The following SIPA1L3 variants were observed in gnomAD, a reference collection of about 807,000 sequenced individuals.
SIPA1L3 encodes signal induced proliferation associated 1 like 3.
SIPA1L3 carries 59 observed loss-of-function variants against 150.1 expected under a neutral mutation model. The observed-to-expected ratio is 0.39, with a 90% CI of 0.32 to 0.49. SIPA1L3 has a LOEUF of 0.49. Among genes scored for constraint, SIPA1L3 ranks in the 20% least tolerant of loss-of-function variants. The pLI is 0.86. For missense variants in SIPA1L3, 2,211 were observed against 2,489.5 expected, an observed-to-expected ratio of 0.89 and a Z score of 2.38; for synonymous variants, 1,070 against 1,077.6, an observed-to-expected ratio of 0.99 and a Z score of 0.14.
At chr19:38,107,804 C>T (rs1970655298) in intron 7 of SIPA1L3, among the ~76,000 whole-genome samples, 1 of 152,020 alleles carries the variant, frequency 6.6e-6, no homozygotes, top group Non-Finnish European at 1.5e-5. Flanking sequence ...TGGTGAAACC[C>T]CATCTTTACT....
chr19:37,980,486 T>A (rs1386810959), intron 1 of SIPA1L3, among the ~76,000 whole-genome samples: 3 of 151,892 alleles, frequency 2.0e-5, no homozygotes, highest in African/African-American at 7.3e-5. Flanking sequence ...AAGAAAGGTG[T>A]ATCTTAGGGT....
At chr19:38,141,481 C>CCA (rs771817298) in intron 11 of SIPA1L3, 46 bp downstream of exon 11, 1 of 1,563,886 alleles carries the variant, frequency 6.4e-7, no homozygotes, top group African/African-American at 1.3e-5. Context: ...CCCCACCAGC[C>CCA]CACACCCATC....
chr19:38,119,350 C>A lies in SIPA1L3; in HGVS notation c.2336C>A (p.Pro779His). The change falls in exon 9 of 22, where the codon CCC (proline) becomes CAC (histidine). Residue 779 changes from proline to histidine, a missense_variant. By Grantham distance (77) the Pro-to-His change is moderately conservative. Coordinates refer to ENST00000222345, the MANE Select transcript of SIPA1L3 (RefSeq NM_015073.3). ...RSKDAPPFGP[P>H]IPSGTTFRKS... ...AAAGACGCTCCTCCTTTCGGCCCCCCCATCCCCAGTGGAACCACATTCCGC... is the reference window on the plus strand; with the variant it reads ...AAAGACGCTCCTCCTTTCGGCCCCCACATCCCCAGTGGAACCACATTCCGC... 1 of 1,614,214 alleles carries A rather than the reference C, an allele frequency of 6.2e-7. No individual in the cohort carries two copies. The highest frequency in any genetic ancestry group is 1.6e-4 in the Middle Eastern group (1 of 6,062).
rs3833274 is a variant in SIPA1L3 at position 38,182,494 on chromosome 19, T to TA, written c.4209-24dup. ...AATGTGGAATGGATTTGGTTTTTTT[T>TA]ATCTCTTTCATTTTTGCTTTGCAGT... is the stretch of plus-strand genomic sequence containing the variant. On this transcript the variant is annotated intron_variant, in intron 15 of 21. Transcript: ENST00000222345. The TA allele has an allele frequency of 0.011, 17,374 of 1,541,844 alleles. 774 individuals carry two copies. The highest frequency in any genetic ancestry group is 0.1 in the East Asian group (4,415 of 43,930).
At chr19:38,117,967 C>T (rs1008598520) in intron 8 of SIPA1L3, among the ~76,000 whole-genome samples, 1 of 152,118 alleles carries the variant, frequency 6.6e-6, no homozygotes, top group African/African-American at 2.4e-5. Context: ...TCTCTTTACG[C>T]TCTCCTGAGT....
intron 16 of SIPA1L3, 120 bp from the exon 17 acceptor site, chr19:38,192,025 T>G: frequency 1.1e-6 from 1 of 870,822 alleles, no homozygotes; most frequent in Non-Finnish European, 1.7e-6. Flanking sequence ...GTTTGCTGGG[T>G]GAAGGAGAGA....
chr19:38,121,798 T>C (rs955561210), intron 9 of SIPA1L3, among the ~76,000 whole-genome samples: 1 of 151,950 alleles, frequency 6.6e-6, no homozygotes, highest in Non-Finnish European at 1.5e-5. Context: ...TGCACACTTG[T>C]GGCCTCAACT....
At chr19:37,967,901 C>G (rs2046918417) in intron 1 of SIPA1L3, among the ~76,000 whole-genome samples, 1 of 152,084 alleles carries the variant, frequency 6.6e-6, no homozygotes, top group Non-Finnish European at 1.5e-5. Context: ...TCAAGCGATC[C>G]ACCCGCCTCA....
At chr19:38,030,853 A>G (rs956203259) in intron 2 of SIPA1L3, among the ~76,000 whole-genome samples, 2 of 152,020 alleles carry the variant, frequency 1.3e-5, no homozygotes, top group African/African-American at 2.4e-5. Flanking sequence ...GGGAGGGGCC[A>G]TTGTCTGATC....
At chr19:38,066,898 C>G (rs1969605791) in intron 2 of SIPA1L3, among the ~76,000 whole-genome samples, 1 of 151,948 alleles carries the variant, frequency 6.6e-6, no homozygotes, top group African/African-American at 2.4e-5. Flanking sequence ...TTCCAGCTCT[C>G]TCTCTTGACT....
chr19:37,992,038 G>GTGTTC (rs1967521144), intron 1 of SIPA1L3, among the ~76,000 whole-genome samples: 2 of 71,632 alleles, frequency 2.8e-5, no homozygotes, highest in Admixed American at 1.5e-4. Context: ...CTTATGCAGA[G>GTGTTC]TGTTCAGTCC....
intron 1 of SIPA1L3, among the ~76,000 whole-genome samples, chr19:37,915,043 G>A (rs779832274): frequency 1.3e-5 from 2 of 152,104 alleles, no homozygotes; most frequent in Non-Finnish European, 2.9e-5. Flanking sequence ...TTGAGGAAGT[G>A]GACACAGCAT....
intron 1 of SIPA1L3, among the ~76,000 whole-genome samples, chr19:37,969,727 T>C (rs1482257350): frequency 6.6e-6 from 1 of 152,170 alleles, no homozygotes; most frequent in Non-Finnish European, 1.5e-5. Context: ...CCCTTCCCTA[T>C]GCCTGAAATG....
At chr19:38,083,417 A>G (rs1443016060) in intron 3 of SIPA1L3, among the ~76,000 whole-genome samples, 1 of 152,234 alleles carries the variant, frequency 6.6e-6, no homozygotes, top group African/African-American at 2.4e-5. Context: ...CAACCAGCTT[A>G]AAACAAATGT....
intron 1 of SIPA1L3, among the ~76,000 whole-genome samples, chr19:37,947,598 G>A (rs1056963953): frequency 2.6e-5 from 4 of 151,884 alleles, no homozygotes; most frequent in Admixed American, 6.6e-5. Context: ...CAAACTTACT[G>A]TGAGCCAGGC....
chr19:38,104,577 T>G (rs1002471237), intron 6 of SIPA1L3, among the ~76,000 whole-genome samples: 2 of 152,078 alleles, frequency 1.3e-5, no homozygotes, highest in Non-Finnish European at 2.9e-5. Flanking sequence ...GGTTTTTTTG[T>G]TTTTTTGTTT....
chr19:37,941,122 A>ACACT (rs1378036486), intron 1 of SIPA1L3, among the ~76,000 whole-genome samples: 2 of 147,404 alleles, frequency 1.4e-5, no homozygotes, highest in Non-Finnish European at 3.0e-5. Context: ...ACACACACAC[A>ACACT]CTGTTTCTTT....
At chr19:38,180,554 T>G (rs1972533050) in intron 15 of SIPA1L3, among the ~76,000 whole-genome samples, 1 of 110,182 alleles carries the variant, frequency 9.1e-6, no homozygotes, top group African/African-American at 3.5e-5. Context: ...TTTTTTTTTT[T>G]GAGACAATTT....
intron 14 of SIPA1L3, among the ~76,000 whole-genome samples, chr19:38,163,777 C>T (rs563197228): frequency 1.3e-5 from 2 of 152,250 alleles, no homozygotes; most frequent in African/African-American, 4.8e-5. Flanking sequence ...AGTTGGAGAC[C>T]GGGACCCAAG....
Sources: allele counts gnomAD v4.1 joint callset (sites outside exome capture counted in the v4.1 genomes callset), GRCh38; gene constraint gnomAD v4.1.1; transcripts MANE v1.5; gene names NCBI Gene and HGNC (gene_info 2026-07-23, HGNC 2026-07-21).